The following SNX29 variants were observed in gnomAD, a reference collection of about 807,000 sequenced individuals.
SNX29 encodes the protein sorting nexin-29.
SNX29 carries 78 observed loss-of-function variants against 102.1 expected under a neutral mutation model. That is an observed-to-expected ratio of 0.76 (90% CI 0.64 to 0.92). SNX29 has a LOEUF of 0.92. Among genes scored for constraint, SNX29 ranks in the 40% least tolerant of loss-of-function variants. The probability of loss-of-function intolerance (pLI) is 0.00; values close to 1 mark genes in which losing one functional copy is unlikely to be tolerated. For synonymous variants in SNX29, 580 were observed against 414.5 expected (o/e 1.40, Z -4.85); for missense variants, 1,280 against 1,061.7 (o/e 1.21, Z -2.86).
chr16:12,403,316 G>GT, intron 17 of SNX29, 132 bp from the exon 18 acceptor site: 2 of 720,952 alleles, frequency 2.8e-6, no homozygotes, highest in South Asian at 3.5e-5. Context: ...CAGGTGTGAT[G>GT]TAAGTTGTCA....
intron 20 of SNX29, chr16:12,561,142 G>GT: frequency 4.4e-6 from 1 of 229,128 alleles, no homozygotes; most frequent in Non-Finnish European, 8.7e-6. Flanking sequence ...AGGCCCAGGT[G>GT]TTGCCTAGGA....
At chr16:12,542,842 A>C (rs1406832096) in intron 20 of SNX29, among the ~76,000 whole-genome samples, 1 of 151,988 alleles carries the variant, frequency 6.6e-6, no homozygotes, top group African/African-American at 2.4e-5. Context: ...TGGACCCATG[A>C]GCAGTACTCA....
At chr16:12,394,838 C>G (rs2083661955) in intron 16 of SNX29, among the ~76,000 whole-genome samples, 1 of 152,164 alleles carries the variant, frequency 6.6e-6, no homozygotes, top group Admixed American at 6.5e-5. Context: ...TGTCCTTGCC[C>G]ATGAAATCGG....
At chr16:12,062,199 T>A (rs530934727) in intron 9 of SNX29, among the ~76,000 whole-genome samples, 1 of 151,888 alleles carries the variant, frequency 6.6e-6, no homozygotes, top group South Asian at 2.1e-4. Flanking sequence ...GCCAACATGG[T>A]GAAGCCCTGT....
chr16:12,562,084 G>C (rs757984253), intron 20 of SNX29, among the ~76,000 whole-genome samples: 4 of 152,274 alleles, frequency 2.6e-5, no homozygotes, highest in Non-Finnish European at 5.9e-5. Flanking sequence ...CTGCCCAGTA[G>C]TTTGAACCGC....
At chr16:12,494,914 A>G (rs894502502) in intron 19 of SNX29, among the ~76,000 whole-genome samples, 2 of 152,160 alleles carry the variant, frequency 1.3e-5, no homozygotes, top group Non-Finnish European at 2.9e-5. Flanking sequence ...AATGGTGGCT[A>G]TTTATTGAGT....
chr16:12,336,390 C>T (rs2081450956), intron 15 of SNX29, among the ~76,000 whole-genome samples: 3 of 152,222 alleles, frequency 2.0e-5, no homozygotes, highest in Admixed American at 2.0e-4. Context: ...AACTGTGTCC[C>T]TGCTGCCCTG....
chr16:12,479,784 C>T (rs774264207), intron 19 of SNX29, among the ~76,000 whole-genome samples: 2 of 152,102 alleles, frequency 1.3e-5, no homozygotes, highest in Non-Finnish European at 2.9e-5. Context: ...AAACACAATC[C>T]TGGAGTGGCC....
At chr16:12,524,909 G>T in intron 20 of SNX29, 68 bp downstream of exon 20, 1 of 1,586,830 alleles carries the variant, frequency 6.3e-7, no homozygotes, top group Non-Finnish European at 8.6e-7. Context: ...CGTTTTGGAA[G>T]GTCAGGGAGC....
intron 14 of SNX29, among the ~76,000 whole-genome samples, chr16:12,259,848 C>T (rs952066552): frequency 2.3e-4 from 35 of 152,180 alleles, no homozygotes; most frequent in African/African-American, 7.9e-4. Flanking sequence ...GTTCAGGGTC[C>T]CCCTTTGAGC....
At chr16:12,320,729 G>A (rs1052679137) in intron 15 of SNX29, among the ~76,000 whole-genome samples, 7 of 152,168 alleles carry the variant, frequency 4.6e-5, no homozygotes, top group Non-Finnish European at 1.0e-4. Context: ...AGGCCGATAA[G>A]AGAACAACAT....
chr16:12,530,311 C>A (rs210720), intron 20 of SNX29, among the ~76,000 whole-genome samples: 64,057 of 151,914 alleles, frequency 0.42, 15,595 homozygotes, highest in East Asian at 0.68. Flanking sequence ...TACCAACAGA[C>A]AGGGAGCCTC....
chr16:12,566,109 T>C lies in SNX29; in HGVS notation c.2319-2397T>C, dbSNP rs79060685. Among the ~76,000 whole-genome samples the C allele has an allele frequency of 2.6e-3, 397 of 152,334 alleles. 2 individuals are homozygous for C. Among genetic ancestry groups the C allele is most frequent in the African/African-American group, 9.2e-3 (383 of 41,582 alleles). On this transcript the variant is annotated intron_variant, in intron 20 of 20. Transcript: ENST00000566228. ...CCATGATGCTTAAAACCACCCCACC[T>C]TTATTCTGTCCAAGGCTCAGAGGGC...
chr16:12,459,317 C>T (rs1467244318), intron 18 of SNX29, among the ~76,000 whole-genome samples: 1 of 151,904 alleles, frequency 6.6e-6, no homozygotes, highest in East Asian at 1.9e-4. Context: ...CAGCTCTCTC[C>T]CTGTCATACA....
chr16:12,477,416 A>G (rs1161553804), intron 18 of SNX29, among the ~76,000 whole-genome samples: 1 of 152,210 alleles, frequency 6.6e-6, no homozygotes, highest in Non-Finnish European at 1.5e-5. Context: ...CAATACACAC[A>G]TGACAGCAAC....
intron 13 of SNX29, among the ~76,000 whole-genome samples, chr16:12,193,168 G>A (rs1301269395): frequency 6.6e-6 from 1 of 152,202 alleles, no homozygotes; most frequent in East Asian, 1.9e-4. Context: ...TTTCATCCAA[G>A]TTGTTGCATG....
chr16:12,221,137 C>T (rs950692800), intron 14 of SNX29, among the ~76,000 whole-genome samples: 27 of 151,654 alleles, frequency 1.8e-4, no homozygotes, highest in African/African-American at 5.3e-4. Flanking sequence ...TCATTCCACT[C>T]GGCATTTTCT....
At chr16:12,020,453 C>T (rs534590146) in intron 3 of SNX29, among the ~76,000 whole-genome samples, 160 of 152,206 alleles carry the variant, frequency 1.1e-3, no homozygotes, top group South Asian at 2.9e-3. Context: ...CTGCCCACCT[C>T]GGCCTCCCAA....
chr16:12,565,499 G>C (rs1229981683), intron 20 of SNX29, among the ~76,000 whole-genome samples: 2 of 152,128 alleles, frequency 1.3e-5, no homozygotes, highest in African/African-American at 4.8e-5. Flanking sequence ...CTCCAAGCCT[G>C]TGTCCCGAGA....
Sources: gnomAD v4.1 joint callset for allele counts (sites outside exome capture counted in the v4.1 genomes callset) on GRCh38, gnomAD v4.1.1 for gene constraint, MANE v1.5 for transcripts, NCBI Gene and HGNC (gene_info 2026-07-23, HGNC 2026-07-21) for gene names.